EYA4: variants seen among roughly 807,000 people sequenced by gnomAD.
EYA4 encodes EYA transcriptional coactivator and phosphatase 4.
In EYA4, 31 loss-of-function variants were observed where a neutral mutation model predicts 87.9. That is an observed-to-expected ratio of 0.35 (90% CI 0.27 to 0.48). The LOEUF (loss-of-function observed/expected upper bound fraction) is 0.48. Ranked by LOEUF, EYA4 falls within the 20% of genes least tolerant of loss-of-function variation. The pLI is 0.99. For synonymous variants in EYA4, 263 were observed against 270.6 expected, an observed-to-expected ratio of 0.97 and a Z score of 0.28; for missense variants, 678 against 761.4, an observed-to-expected ratio of 0.89 and a Z score of 1.29.
chr6:133,423,867 C>T (rs977512648), intron 3 of EYA4, among the ~76,000 whole-genome samples: 2 of 152,168 alleles, frequency 1.3e-5, no homozygotes. Flanking sequence ...GTGACCGTGG[C>T]GCCTTTACCC....
At chr6:133,266,922 T>C (rs1157765407) in intron 1 of EYA4, among the ~76,000 whole-genome samples, 1 of 152,214 alleles carries the variant, frequency 6.6e-6, no homozygotes, top group East Asian at 1.9e-4. Context: ...GTATGTTACA[T>C]TCAATCAATA....
At chr6:133,478,095 C>A (rs535082945) in intron 11 of EYA4, among the ~76,000 whole-genome samples, 1 of 152,120 alleles carries the variant, frequency 6.6e-6, no homozygotes, top group African/African-American at 2.4e-5. Flanking sequence ...AAAACGCTAA[C>A]AATATCAAGT....
chr6:133,459,000 A>G (rs930312005), intron 6 of EYA4, among the ~76,000 whole-genome samples: 2 of 152,188 alleles, frequency 1.3e-5, no homozygotes, highest in African/African-American at 4.8e-5. Flanking sequence ...AGTTTGTACA[A>G]GATATTCCAG....
chr6:133,395,513 A>G (rs1029851755), intron 3 of EYA4, among the ~76,000 whole-genome samples: 3 of 152,198 alleles, frequency 2.0e-5, no homozygotes, highest in African/African-American at 7.2e-5. Flanking sequence ...TAATCCCAGC[A>G]CTTTGGGAGG....
chr6:133,472,812 C>T (rs1463730687), intron 11 of EYA4, among the ~76,000 whole-genome samples: 7 of 131,568 alleles, frequency 5.3e-5, no homozygotes, highest in Non-Finnish European at 1.1e-4. Flanking sequence ...GGATAGTTAG[C>T]TCCTCTTGTT....
At chr6:133,309,238 A>G (rs549935811) in intron 2 of EYA4, among the ~76,000 whole-genome samples, 1 of 151,964 alleles carries the variant, frequency 6.6e-6, no homozygotes, top group Non-Finnish European at 1.5e-5. Context: ...ATAGGTTATG[A>G]AAAAAATCCC....
chr6:133,489,705 A>G (rs1208191706), intron 13 of EYA4, among the ~76,000 whole-genome samples: 1 of 152,144 alleles, frequency 6.6e-6, no homozygotes, highest in Admixed American at 6.6e-5. Flanking sequence ...TTTCCCAGAC[A>G]AACAAAAACT....
intron 3 of EYA4, among the ~76,000 whole-genome samples, chr6:133,432,519 G>A (rs1459597929): frequency 6.7e-6 from 1 of 148,852 alleles, no homozygotes; most frequent in East Asian, 2.0e-4. Context: ...AGACTATCAT[G>A]TTATAGTATC....
chr6:133,255,616 A>G (rs755802062), intron 1 of EYA4, among the ~76,000 whole-genome samples: 17 of 151,864 alleles, frequency 1.1e-4, no homozygotes, highest in East Asian at 1.9e-4. Flanking sequence ...TTTTTTTTCT[A>G]TATATGTGTA....
intron 2 of EYA4, among the ~76,000 whole-genome samples, chr6:133,281,583 T>C (rs1048921462): frequency 3.3e-5 from 5 of 152,218 alleles, no homozygotes; most frequent in African/African-American, 1.2e-4. Context: ...TTAGTTCATT[T>C]TGAGTTAAAT....
chr6:133,247,137 A>G (rs1283084707), intron 1 of EYA4: 2 of 152,226 alleles, frequency 1.3e-5, no homozygotes, highest in African/African-American at 4.8e-5. Context: ...AAAGTATTGA[A>G]GTCAAAGAAA....
chr6:133,478,235 G>GA (rs1438295890), intron 11 of EYA4, among the ~76,000 whole-genome samples: 2 of 152,028 alleles, frequency 1.3e-5, no homozygotes, highest in East Asian at 3.9e-4. Flanking sequence ...TAATACACTG[G>GA]AAAAAAGTCA....
At chr6:133,384,795 A>T (rs570018880) in intron 3 of EYA4, among the ~76,000 whole-genome samples, 1 of 152,312 alleles carries the variant, frequency 6.6e-6, no homozygotes, top group East Asian at 1.9e-4. Flanking sequence ...CCAAGGAGAG[A>T]ATAAAAATAT....
intron 1 of EYA4, among the ~76,000 whole-genome samples, chr6:133,274,118 A>G (rs889935277): frequency 2.0e-4 from 31 of 152,168 alleles, no homozygotes; most frequent in African/African-American, 7.2e-4. Context: ...ATATTTTTTG[A>G]ATAGTTAACC....
In EYA4 at chr6:133,300,503, A is replaced by T. The variant is rs538270354; in HGVS notation, c.33+25690A>T. Among the ~76,000 whole-genome samples the T allele has an allele frequency of 2.0e-5, 3 of 152,002 alleles. No individual in the cohort carries two copies. In the South Asian group the frequency reaches 6.3e-4, roughly 32 times the overall value. The stretch of plus-strand genomic sequence containing the variant: ...AATCACAAATATTTGTACAAAATGT[A>T]TTGTTGTTGTTATTATTATTATTAT... On this transcript the variant is annotated intron_variant, in intron 2 of 19. Transcript: ENST00000355286.
intron 3 of EYA4, among the ~76,000 whole-genome samples, chr6:133,398,105 C>T (rs1399801178): frequency 6.6e-6 from 1 of 152,084 alleles, no homozygotes; most frequent in Non-Finnish European, 1.5e-5. Flanking sequence ...AGAGATAAAA[C>T]TGGAAAAAAG....
chr6:133,524,755 C>CTTGTAAACATACCCCAA (rs1222128861), intron 18 of EYA4, among the ~76,000 whole-genome samples: 2 of 152,142 alleles, frequency 1.3e-5, no homozygotes, highest in African/African-American at 4.8e-5. Context: ...CCCCAATACT[C>CTTGTAAACATACCCCAA]TGTTGGTGGA....
At chr6:133,422,918 T>G (rs899237051) in intron 3 of EYA4, among the ~76,000 whole-genome samples, 12 of 152,188 alleles carry the variant, frequency 7.9e-5, no homozygotes, top group African/African-American at 2.9e-4. Context: ...AAGTTCTTTC[T>G]GTATCTCTGG....
intron 3 of EYA4, among the ~76,000 whole-genome samples, chr6:133,405,463 G>A (rs993635103): frequency 3.9e-5 from 6 of 152,074 alleles, no homozygotes; most frequent in South Asian, 4.1e-4. Flanking sequence ...TTGCATTGTC[G>A]TGATGATGTG....
Sources: gnomAD v4.1 joint callset for allele counts (sites outside exome capture counted in the v4.1 genomes callset) on GRCh38, gnomAD v4.1.1 for gene constraint, MANE v1.5 for transcripts, NCBI Gene and HGNC (gene_info 2026-07-23, HGNC 2026-07-21) for gene names.